The following KCNJ2 variants were observed in gnomAD, a reference collection of about 807,000 sequenced individuals.
KCNJ2 encodes the protein potassium inwardly rectifying channel subfamily J member 2.
Under a neutral mutation model 28.4 loss-of-function variants are expected in KCNJ2, and 12 were observed. That is an observed-to-expected ratio of 0.42 (90% CI 0.27 to 0.68). KCNJ2 has a LOEUF of 0.68. Among genes scored for constraint, KCNJ2 ranks in the 30% least tolerant of loss-of-function variants. The pLI is 0.23. For synonymous variants in KCNJ2, 200 were observed against 203.2 expected (o/e 0.98, Z 0.13); for missense variants, 320 against 551.3 (o/e 0.58, Z 4.20).
intron 1 of KCNJ2, among the ~76,000 whole-genome samples, chr17:70,172,809 C>T (rs534751656): frequency 1.4e-4 from 21 of 152,110 alleles, no homozygotes; most frequent in South Asian, 4.1e-4. Flanking sequence ...TTTTTTGAAA[C>T]GTATACCTGC....
rs1398691548 is a variant in KCNJ2 at position 70,175,567 on chromosome 17, T to C, written c.528T>C (p.Ile176=). 2 of 1,614,176 alleles carry C rather than the reference T, an allele frequency of 1.2e-6. No individual in the cohort carries two copies. The highest frequency in any genetic ancestry group is 1.1e-5 in the South Asian group (1 of 91,086). Residue 176 remains isoleucine (I), a synonymous_variant, in exon 2 of 2, where the codon ATT becomes ATC. Transcript: ENST00000243457. The surrounding 1 kb of genome is among the most constrained non-coding windows in gnomAD (Gnocchi z 8.3). ...IVGCIIDAFI[I]GAVMAKMAKP... is the part of the protein sequence containing the mutation. The stretch of plus-strand genomic sequence containing the variant: ...GCTGCATCATCGATGCTTTCATCAT[T>C]GGCGCAGTCATGGCCAAGATGGCAA...
At position 70,174,937 on chromosome 17, in the gene KCNJ2, T is replaced by G; in HGVS notation, c.-103T>G. 9.0e-7 allele frequency: 1 copy of G among 1,106,020 alleles called. No homozygotes were observed. Among genetic ancestry groups the G allele is most frequent in the East Asian group, 2.6e-5 (1 of 39,106 alleles). 68.5% of individuals were successfully genotyped at this position (1,106,020 alleles called of 1,614,324 possible). A position where few individuals can be genotyped will look rare whatever the true frequency, so the allele number is the denominator to read the frequency against. ...CACCCATCTCTCCTCATTTTTTTGG[T>G]GTGTGTGTCTTCACCGAACATTCAA... On this transcript the variant is annotated 5_prime_UTR_variant, in exon 2 of 2. Transcript: ENST00000243457.
chr17:70,172,507 G>A (rs776507454), intron 1 of KCNJ2, among the ~76,000 whole-genome samples: 1 of 152,164 alleles, frequency 6.6e-6, no homozygotes, highest in Non-Finnish European at 1.5e-5. Context: ...TAGGAAGCTG[G>A]TATTGTGTGA....
Position 70,174,683 on chromosome 17 carries a change from G to T in KCNJ2, c.-216-141G>T, listed in dbSNP as rs982532854. 4 of 287,050 alleles carry T rather than the reference G, an allele frequency of 1.4e-5. No individual in the cohort carries two copies. The South Asian group carries it at 1.6e-4, about 11-fold the overall frequency. 17.8% of individuals were successfully genotyped at this position (287,050 alleles called of 1,614,324 possible). Reference sequence around the variant, plus strand: ...TTACAAAGCATGCTTAGGATACAAAGAAATTTAAAACCTTATAATTTAATG... The same window carrying T: ...TTACAAAGCATGCTTAGGATACAAATAAATTTAAAACCTTATAATTTAATG... On this transcript the variant is annotated intron_variant, in intron 1 of 1. Coordinates refer to ENST00000243457, the MANE Select transcript of KCNJ2 (RefSeq NM_000891.3).
Position 70,176,303 on chromosome 17 carries a change from C to A in KCNJ2, c.1264C>A (p.Arg422=). 1 of 1,614,080 alleles carries A rather than the reference C, an allele frequency of 6.2e-7. No individual in the cohort carries two copies. ...TGTACCTCTAGAGCCCAGGCCCTTA[C>A]GGCGAGAGTCGGAGATATGACTGAC... is the stretch of plus-strand genomic sequence containing the variant. The part of the protein sequence containing the change: ...ASVPLEPRPL[R]RESEI The change falls in exon 2 of 2, where the codon CGG becomes AGG. Residue 422 remains arginine (R), a synonymous_variant. Coordinates refer to ENST00000243457, the MANE Select transcript of KCNJ2 (RefSeq NM_000891.3).
chr17:70,175,145 A>G lies in KCNJ2; in HGVS notation c.106A>G (p.Lys36Glu). Residue 36 changes from lysine (K) to glutamate (E), a missense_variant, in exon 2 of 2, where the codon AAA becomes GAA. Physicochemically the swap from Lys to Glu is moderately conservative, Grantham distance 56. Transcript: ENST00000243457. This position sits in a 1 kb window ranked among gnomAD's most constrained non-coding sequence, Gnocchi z 8.3. Reference protein sequence around the residue: ...VANGFGNGKSKVHTRQQCRSR... With the variant: ...VANGFGNGKSEVHTRQQCRSR... ...AAATGGCTTTGGGAACGGGAAGAGT[A>G]AAGTCCACACCCGACAACAGTGCAG... The G allele has an allele frequency of 6.2e-7, 1 of 1,614,210 alleles. No individual in the cohort carries two copies. Among genetic ancestry groups the G allele is most frequent in the Non-Finnish European group, 8.5e-7 (1 of 1,180,042 alleles).
chr17:70,176,381 C>A lies in KCNJ2; in HGVS notation c.*58C>A. 1 of 1,498,338 alleles carries A rather than the reference C, an allele frequency of 6.7e-7. No homozygotes were observed. Among genetic ancestry groups the A allele is most frequent in the Non-Finnish European group, 9.3e-7 (1 of 1,074,738 alleles). The allele number at this position is 1,498,338 out of a possible 1,614,324, so 92.8% of individuals were successfully genotyped here. ...ACAACACGGTCTGTTGGTCAGAGGC[C>A]CAAAACAGTTATACAGATGACGGTA... On this transcript the variant is annotated 3_prime_UTR_variant, in exon 2 of 2. Coordinates refer to ENST00000243457, the MANE Select transcript of KCNJ2 (RefSeq NM_000891.3).
At chr17:70,172,986 A>G (rs1475556368) in intron 1 of KCNJ2, among the ~76,000 whole-genome samples, 2 of 152,230 alleles carry the variant, frequency 1.3e-5, no homozygotes, top group Non-Finnish European at 2.9e-5. Context: ...AAAACATTGA[A>G]GCAGGTGGAA....
In KCNJ2 at chr17:70,169,541, T is replaced by A; in HGVS notation, c.-377T>A. 1 of 152,288 alleles carries A rather than the reference T, an allele frequency of 6.6e-6. No individual in the cohort carries two copies. Among genetic ancestry groups the A allele is most frequent in the African/African-American group, 2.4e-5 (1 of 41,456 alleles). 9.4% of individuals were successfully genotyped at this position (152,288 alleles called of 1,614,324 possible). ...GAGCCCAGGATATTGCAGAGCGCAC[T>A]GGAGCCCTGGCCAGCGCGCAGCCTT... On this transcript the variant is annotated 5_prime_UTR_variant, in exon 1 of 2. Coordinates refer to ENST00000243457, the MANE Select transcript of KCNJ2 (RefSeq NM_000891.3).
In KCNJ2 at chr17:70,175,840, C is replaced by G. The variant is rs2074389406; in HGVS notation, c.801C>G (p.Ile267Met). 6.2e-7 allele frequency: 1 copy of G among 1,614,146 alleles called. No individual in the cohort carries two copies. The highest frequency in any genetic ancestry group is 1.3e-5 in the African/African-American group (1 of 75,042). Residue 267 changes from isoleucine (I) to methionine (M), a missense_variant, in exon 2 of 2, where the codon ATC becomes ATG. Ile to Met is a conservative substitution (Grantham distance 10, BLOSUM62 1). Around this residue, in one of 3 missense-constraint regions of KCNJ2, gnomAD observed 155 missense variants for 231.6 expected, o/e 0.67. Transcript: ENST00000243457. The surrounding 1 kb of genome is among the most constrained non-coding windows in gnomAD (Gnocchi z 8.3). The stretch of plus-strand genomic sequence containing the variant: ...ATCGTATATTTCTGGTGTCCCCAAT[C>G]ACTATAGTCCATGAAATAGATGAAG... ...GIDRIFLVSP[I>M]TIVHEIDEDS...
Position 70,174,953 on chromosome 17 carries a change from G to T in KCNJ2, c.-87G>T. 1.5e-6 allele frequency: 2 copies of T among 1,334,258 alleles called. No homozygotes were observed. The highest frequency in any genetic ancestry group is 2.5e-5 in the South Asian group (2 of 80,576). The allele number at this position is 1,334,258 out of a possible 1,614,324, so 82.7% of individuals were successfully genotyped here. ...TTTTTTTGGTGTGTGTGTCTTCACCGAACATTCAAAACTGTTTCTCCAAAG... is the reference window on the plus strand; with the variant it reads ...TTTTTTTGGTGTGTGTGTCTTCACCTAACATTCAAAACTGTTTCTCCAAAG... On this transcript the variant is annotated 5_prime_UTR_variant, in exon 2 of 2. Transcript: ENST00000243457.
Position 70,174,808 on chromosome 17 carries a change from C to A in KCNJ2, c.-216-16C>A. 1.7e-6 allele frequency: 1 copy of A among 591,630 alleles called. No homozygotes were observed. Among genetic ancestry groups the A allele is most frequent in the Non-Finnish European group, 3.0e-6 (1 of 331,754 alleles). 36.6% of individuals were successfully genotyped at this position (591,630 alleles called of 1,614,324 possible). A position where few individuals can be genotyped will look rare whatever the true frequency, so the allele number is the denominator to read the frequency against. On this transcript the variant is annotated splice_polypyrimidine_tract_variant and intron_variant, in intron 1 of 1. Coordinates refer to ENST00000243457, the MANE Select transcript of KCNJ2 (RefSeq NM_000891.3). ...AGTGGCTTATTTTGTAATGCACAGT[C>A]TCTCTTTTCTTGCAGGACATGTTCT...
At chr17:70,172,814 A>G (rs1407322284) in intron 1 of KCNJ2, among the ~76,000 whole-genome samples, 1 of 152,198 alleles carries the variant, frequency 6.6e-6, no homozygotes, top group African/African-American at 2.4e-5. Context: ...TGAAACGTAT[A>G]CCTGCGTTTG....
chr17:70,171,813 A>T (rs1026802939), intron 1 of KCNJ2, among the ~76,000 whole-genome samples: 1 of 152,240 alleles, frequency 6.6e-6, no homozygotes, highest in African/African-American at 2.4e-5. Context: ...CCTGGATAAA[A>T]ATGATTATTT....
intron 1 of KCNJ2, among the ~76,000 whole-genome samples, chr17:70,173,394 T>C (rs1263248477): frequency 6.6e-6 from 1 of 152,248 alleles, no homozygotes; most frequent in African/African-American, 2.4e-5. Flanking sequence ...TTTCATGAGT[T>C]ATTCATTGCC....
At chr17:70,171,827 T>C (rs528510845) in intron 1 of KCNJ2, among the ~76,000 whole-genome samples, 18 of 152,346 alleles carry the variant, frequency 1.2e-4, no homozygotes, top group Admixed American at 1.0e-3. Context: ...ATTATTTGTG[T>C]CCATGAAATT....
chr17:70,176,132 A>C lies in KCNJ2; in HGVS notation c.1093A>C (p.Lys365Gln), dbSNP rs777674628. The change falls in exon 2 of 2, where the codon AAA becomes CAA. Residue 365 changes from lysine to glutamine, a missense_variant. Physicochemically the swap from Lys to Gln is moderately conservative, Grantham distance 53. Transcript: ENST00000243457. Reference protein sequence around the residue: ...LCSARDLAEKKYILSNANSFC... With the variant: ...LCSARDLAEKQYILSNANSFC... The stretch of plus-strand genomic sequence containing the variant: ...TAGTGCCAGAGACTTAGCAGAAAAG[A>C]AATATATCCTCTCAAATGCAAATTC... 1 of 1,613,996 alleles carries C rather than the reference A, an allele frequency of 6.2e-7. No individual in the cohort carries two copies. The highest frequency in any genetic ancestry group is 8.5e-7 in the Non-Finnish European group (1 of 1,180,018).
chr17:70,170,435 G>T (rs1462036531), intron 1 of KCNJ2, among the ~76,000 whole-genome samples: 1 of 151,638 alleles, frequency 6.6e-6, no homozygotes, highest in African/African-American at 2.4e-5. Context: ...ATCATAGCGT[G>T]GATTCATCAT....
At chr17:70,174,282 T>C (rs1167071766) in intron 1 of KCNJ2, among the ~76,000 whole-genome samples, 6 of 152,230 alleles carry the variant, frequency 3.9e-5, no homozygotes, top group African/African-American at 1.4e-4. Context: ...TGCTCAGTTA[T>C]ATCATTTAAA....
Sources: allele counts gnomAD v4.1 joint callset (sites outside exome capture counted in the v4.1 genomes callset), GRCh38; gene constraint gnomAD v4.1.1; regional missense constraint gnomAD v4.1.1; non-coding constraint Gnocchi (gnomAD v3.1); transcripts MANE v1.5; gene names NCBI Gene and HGNC (gene_info 2026-07-23, HGNC 2026-07-21).